The following STPG2 variants were observed in gnomAD, a reference collection of about 807,000 sequenced individuals.
STPG2 encodes sperm-tail PG-rich repeat-containing protein 2.
STPG2 carries 56 observed loss-of-function variants against 54.2 expected under a neutral mutation model. The ratio of observed to expected loss-of-function variants is 1.03; its 90% CI spans 0.83 to 1.29. The LOEUF (loss-of-function observed/expected upper bound fraction) is 1.29, where lower values mean the gene tolerates loss of function less well. Among genes scored for constraint, STPG2 ranks in the 50% most tolerant of loss-of-function variants. The probability of loss-of-function intolerance (pLI) is 0.00; values close to 1 mark genes in which losing one functional copy is unlikely to be tolerated. For missense variants in STPG2, 596 were observed against 544.9 expected (o/e 1.09, Z -0.93); for synonymous variants, 200 against 181.8 (o/e 1.10, Z -0.81).
At chr4:97,865,458 G>C (rs1223079595) in intron 8 of STPG2, among the ~76,000 whole-genome samples, 1 of 152,100 alleles carries the variant, frequency 6.6e-6, no homozygotes, top group Non-Finnish European at 1.5e-5. Flanking sequence ...GAGAGGATGT[G>C]GAAAAATAGG....
intron 9 of STPG2, among the ~76,000 whole-genome samples, chr4:97,810,440 G>A (rs1291848163): frequency 2.1e-5 from 3 of 145,398 alleles, no homozygotes; most frequent in South Asian, 2.2e-4. Flanking sequence ...CTTCAGCCTG[G>A]CAACAGAGTG....
intron 10 of STPG2, among the ~76,000 whole-genome samples, chr4:97,680,174 G>A (rs1327809705): frequency 6.6e-6 from 1 of 151,254 alleles, no homozygotes; most frequent in South Asian, 2.1e-4. Flanking sequence ...AAAGTCATTG[G>A]TAGCTTGATG....
chr4:98,037,751 T>A (rs1325115484), intron 5 of STPG2, among the ~76,000 whole-genome samples: 5 of 152,122 alleles, frequency 3.3e-5, no homozygotes, highest in Non-Finnish European at 7.4e-5. Flanking sequence ...AAAGAGTTGC[T>A]GGATCAAAGA....
intron 8 of STPG2, among the ~76,000 whole-genome samples, chr4:97,851,054 T>A (rs531256764): frequency 6.6e-6 from 1 of 152,318 alleles, no homozygotes; most frequent in Admixed American, 6.5e-5. Context: ...CCTTTGGGTC[T>A]CAAATCTTCC....
chr4:97,844,882 T>TTCAATGTTCTGTGTTTCTCAATCA (rs1215133792), intron 8 of STPG2, among the ~76,000 whole-genome samples: 3 of 152,090 alleles, frequency 2.0e-5, no homozygotes, highest in Non-Finnish European at 4.4e-5. Flanking sequence ...GTGTTTCTCA[T>TTCAATGTTCTGTGTTTCTCAATCA]ATTCAATGAT....
intron 9 of STPG2, among the ~76,000 whole-genome samples, chr4:97,745,251 A>AC (rs1725385741): frequency 1.0e-5 from 1 of 97,904 alleles, no homozygotes; most frequent in Non-Finnish European, 2.1e-5. Flanking sequence ...AACTAAAAAA[A>AC]AAACAAAAAA....
intron 5 of STPG2, among the ~76,000 whole-genome samples, chr4:98,064,934 C>T (rs564396815): frequency 6.6e-6 from 1 of 151,950 alleles, no homozygotes; most frequent in East Asian, 1.9e-4. Context: ...GGGTCTCACT[C>T]TGTCACCCAG....
chr4:97,737,906 T>C (rs1183188617), intron 9 of STPG2, among the ~76,000 whole-genome samples: 1 of 151,906 alleles, frequency 6.6e-6, no homozygotes, highest in African/African-American at 2.4e-5. Context: ...AGACACAAAA[T>C]TGCCAGATTC....
intron 5 of STPG2, among the ~76,000 whole-genome samples, chr4:98,042,125 C>T (rs1380340887): frequency 6.6e-6 from 1 of 151,714 alleles, no homozygotes; most frequent in Non-Finnish European, 1.5e-5. Context: ...GGCATATCGT[C>T]ATTCATAGCA....
intron 4 of STPG2, among the ~76,000 whole-genome samples, chr4:97,533,327 T>C (rs1427177046): frequency 1.3e-5 from 2 of 152,184 alleles, no homozygotes; most frequent in Non-Finnish European, 2.9e-5. Flanking sequence ...ACTTAGTATT[T>C]CTATTATCCT....
intron 4 of STPG2, among the ~76,000 whole-genome samples, chr4:97,506,019 C>CAAAAAAAA (rs59206485): frequency 5.9e-5 from 1 of 16,922 alleles, no homozygotes; most frequent in Non-Finnish European, 1.2e-4. Context: ...AATAGGAGAC[C>CAAAAAAAA]AAAAAAAAAA....
chr4:97,746,582 A>G (rs1272506021), intron 9 of STPG2, among the ~76,000 whole-genome samples: 1 of 151,354 alleles, frequency 6.6e-6, no homozygotes, highest in Non-Finnish European at 1.5e-5. Flanking sequence ...AGGATTTAGT[A>G]GAGAGTGCAT....
rs928453949 is a variant in STPG2, at chr4:98,143,246, A to T, written c.-96T>A. The T allele has an allele frequency of 5.0e-5, 44 of 877,558 alleles. 1 individual carries two copies. The East Asian group carries it at 1.1e-3, about 23-fold the overall frequency. 54.4% of individuals were successfully genotyped at this position (877,558 alleles called of 1,614,324 possible). On this transcript the variant is annotated 5_prime_UTR_variant, in exon 1 of 11. Transcript: ENST00000295268. Reference sequence around the variant, plus strand: ...TGTGGAGAAAAAGGAAGCCGACACCAGTCTGAGGAGGCCGGGAAAGAACTT... The same window carrying T: ...TGTGGAGAAAAAGGAAGCCGACACCTGTCTGAGGAGGCCGGGAAAGAACTT...
intron 4 of STPG2, among the ~76,000 whole-genome samples, chr4:97,459,107 A>G (rs1729595752): frequency 1.3e-5 from 2 of 152,118 alleles, no homozygotes; most frequent in South Asian, 4.1e-4. Context: ...ACGGTTACAC[A>G]ATATATAATT....
chr4:97,951,923 T>C (rs1274746702), intron 7 of STPG2, among the ~76,000 whole-genome samples: 1 of 152,044 alleles, frequency 6.6e-6, no homozygotes, highest in Non-Finnish European at 1.5e-5. Flanking sequence ...GGCTGGAGGT[T>C]GGGAGAAGCT....
At chr4:97,694,333 T>A (rs1026332045) in intron 10 of STPG2, among the ~76,000 whole-genome samples, 3 of 151,908 alleles carry the variant, frequency 2.0e-5, no homozygotes, top group Admixed American at 6.6e-5. Flanking sequence ...ATGGGAGATA[T>A]TACAGCCAAT....
intron 10 of STPG2, among the ~76,000 whole-genome samples, chr4:97,591,065 G>T (rs1441679079): frequency 2.0e-5 from 3 of 152,050 alleles, no homozygotes; most frequent in Non-Finnish European, 4.4e-5. Context: ...AAAGCATGCA[G>T]AATAACCCTG....
chr4:97,567,797 A>G (rs968283198), intron 10 of STPG2, among the ~76,000 whole-genome samples: 1 of 152,192 alleles, frequency 6.6e-6, no homozygotes, highest in Non-Finnish European at 1.5e-5. Context: ...CATGTTGTAT[A>G]TGTGTATAGC....
intron 9 of STPG2, among the ~76,000 whole-genome samples, chr4:97,726,392 C>G (rs1377852276): frequency 6.6e-6 from 1 of 151,856 alleles, no homozygotes; most frequent in Non-Finnish European, 1.5e-5. Flanking sequence ...TGTGAATGTA[C>G]TTAATGCCAC....
Sources: gnomAD v4.1 joint callset for allele counts (sites outside exome capture counted in the v4.1 genomes callset) on GRCh38, gnomAD v4.1.1 for gene constraint, MANE v1.5 for transcripts, NCBI Gene and HGNC (gene_info 2026-07-23, HGNC 2026-07-21) for gene names.